The following PACSIN2 variants were observed in gnomAD, a reference collection of about 807,000 sequenced individuals.
PACSIN2 encodes the protein protein kinase C and casein kinase substrate in neurons 2.
Under a neutral mutation model 63.8 loss-of-function variants are expected in PACSIN2, and 25 were observed. The ratio of observed to expected loss-of-function variants is 0.39; its 90% CI spans 0.29 to 0.55. The LOEUF (loss-of-function observed/expected upper bound fraction) is 0.55, where lower values mean the gene tolerates loss of function less well. Ranked by LOEUF, PACSIN2 falls within the 20% of genes least tolerant of loss-of-function variation. The pLI is 0.62. For missense variants in PACSIN2, 518 were observed against 646.9 expected (o/e 0.80, Z 2.16); for synonymous variants, 255 against 256.2 (o/e 1.00, Z 0.05).
chr22:42,888,214 G>A (rs1045885642), intron 5 of PACSIN2, among the ~76,000 whole-genome samples: 1 of 152,058 alleles, frequency 6.6e-6, no homozygotes, highest in African/African-American at 2.4e-5. Context: ...GGCCACTGGT[G>A]ATTTGGTCCT....
chr22:43,014,329 CACACACACACACACACACACACAG>C (rs1341451617), intron 1 of PACSIN2, among the ~76,000 whole-genome samples: 3 of 19,964 alleles, frequency 1.5e-4, no homozygotes, highest in African/African-American at 2.9e-4. Flanking sequence ...CCTACACACA[CACACACACACACACACACACACAG>C]ACACACACAC....
intron 1 of PACSIN2, among the ~76,000 whole-genome samples, chr22:42,928,937 A>G (rs545490137): frequency 6.6e-6 from 1 of 152,376 alleles, no homozygotes; most frequent in East Asian, 1.9e-4. Flanking sequence ...CTACTTTCAC[A>G]TGAAAAGAAG....
intron 1 of PACSIN2, among the ~76,000 whole-genome samples, chr22:42,932,185 T>C (rs1163108647): frequency 6.6e-6 from 1 of 152,216 alleles, no homozygotes; most frequent in Non-Finnish European, 1.5e-5. Context: ...TCTCTGTTTC[T>C]TCAACATAAT....
At chr22:42,995,788 G>T (rs1445333551) in intron 1 of PACSIN2, among the ~76,000 whole-genome samples, 1 of 152,130 alleles carries the variant, frequency 6.6e-6, no homozygotes, top group Non-Finnish European at 1.5e-5. Context: ...CAGTGGCCAG[G>T]CACAGTGACC....
At chr22:42,961,447 T>TAAAAAAAAAA in intron 1 of PACSIN2, among the ~76,000 whole-genome samples, 1 of 121,196 alleles carries the variant, frequency 8.3e-6, no homozygotes, top group East Asian at 2.4e-4. Context: ...AATGATCAAT[T>TAAAAAAAAAA]AAAAAAAAAA....
At chr22:42,995,080 C>T (rs893620536) in intron 1 of PACSIN2, among the ~76,000 whole-genome samples, 1 of 152,254 alleles carries the variant, frequency 6.6e-6, no homozygotes, top group Non-Finnish European at 1.5e-5. Flanking sequence ...GTCCCCCCTC[C>T]CCGCCTCGGG....
At chr22:42,981,375 G>A (rs949314225) in intron 1 of PACSIN2, among the ~76,000 whole-genome samples, 13 of 142,888 alleles carry the variant, frequency 9.1e-5, no homozygotes, top group East Asian at 6.6e-4. Flanking sequence ...CCCCCCGCCC[G>A]ACCAGCCGCC....
chr22:42,950,480 C>T (rs1171936192), intron 1 of PACSIN2, among the ~76,000 whole-genome samples: 1 of 21,858 alleles, frequency 4.6e-5, no homozygotes, highest in African/African-American at 1.9e-4. Context: ...TGCAGCTGCA[C>T]AGCCTCCTAG....
At chr22:42,919,062 T>G (rs1601518549) in intron 1 of PACSIN2, among the ~76,000 whole-genome samples, 1 of 152,326 alleles carries the variant, frequency 6.6e-6, no homozygotes, top group African/African-American at 2.4e-5. Flanking sequence ...TGGGACAAGC[T>G]GCTCTTTAAT....
intron 5 of PACSIN2, among the ~76,000 whole-genome samples, chr22:42,885,577 C>T (rs1297277037): frequency 6.6e-6 from 1 of 152,112 alleles, no homozygotes; most frequent in African/African-American, 2.4e-5. Flanking sequence ...CCAGCTGGGA[C>T]TGAGTCTACC....
intron 1 of PACSIN2, among the ~76,000 whole-genome samples, chr22:42,973,653 C>A (rs868661495): frequency 2.6e-5 from 4 of 152,344 alleles, no homozygotes; most frequent in Middle Eastern, 6.8e-3. Flanking sequence ...ACACTTGTGC[C>A]ACGCATGGCC....
At chr22:42,948,511 A>G (rs922601886) in intron 1 of PACSIN2, among the ~76,000 whole-genome samples, 2 of 152,174 alleles carry the variant, frequency 1.3e-5, no homozygotes, top group African/African-American at 4.8e-5. Flanking sequence ...GCACATGACT[A>G]TCTATAGTCC....
intron 1 of PACSIN2, among the ~76,000 whole-genome samples, chr22:42,952,758 G>A (rs772669590): frequency 2.0e-5 from 3 of 151,960 alleles, no homozygotes; most frequent in Non-Finnish European, 4.4e-5. Context: ...TGCCTCCCAG[G>A]TTCAAGCAAT....
chr22:42,888,582 C>A, intron 5 of PACSIN2, 61 bp downstream of exon 5: 1 of 1,550,036 alleles, frequency 6.5e-7, no homozygotes, highest in Non-Finnish European at 8.9e-7. Context: ...AGGCTATATG[C>A]CAGACACGTC....
At chr22:42,970,068 C>A (rs999380170) in intron 1 of PACSIN2, among the ~76,000 whole-genome samples, 1 of 152,096 alleles carries the variant, frequency 6.6e-6, no homozygotes, top group Non-Finnish European at 1.5e-5. Context: ...CCTGGCATGC[C>A]CCCTTCGACA....
In PACSIN2 at chr22:42,882,593, C is replaced by T. The variant is rs141700457; in HGVS notation, c.786-289G>A. On this transcript the variant is annotated intron_variant, in intron 6 of 10. Transcript: ENST00000263246. Reference sequence around the variant, plus strand: ...GGCACCAGCAGGTGGGCTGTGTGGGCCACCACTCTGTGTGGTCCCATTTCA... The same window carrying T: ...GGCACCAGCAGGTGGGCTGTGTGGGTCACCACTCTGTGTGGTCCCATTTCA... Among the ~76,000 whole-genome samples the T allele has an allele frequency of 6.4e-4, 97 of 152,312 alleles. 1 individual carries two copies. In the East Asian group the frequency reaches 0.016, roughly 26 times the overall value.
rs527484734 is a variant in PACSIN2 at position 42,946,527 on chromosome 22, G to A, written c.-77-34370C>T. 1.9e-4 allele frequency among the ~76,000 whole-genome samples: 29 copies of A among 152,278 alleles called. No homozygotes were observed. In the South Asian group the frequency reaches 6.0e-3, roughly 32 times the overall value. On this transcript the variant is annotated intron_variant, in intron 1 of 10. Coordinates refer to ENST00000263246, the MANE Select transcript of PACSIN2 (RefSeq NM_001184970.3). ...ATCGCACCACTGCACTCCAGCCTGG[G>A]GGAAAGAGCAAAACTCTGTCTCAAA...
At chr22:42,909,552 G>C (rs773031489) in intron 2 of PACSIN2, 1 of 471,168 alleles carries the variant, frequency 2.1e-6, no homozygotes, top group East Asian at 6.9e-5. Context: ...ACAGCACTGC[G>C]GAGTTGATAC....
chr22:43,000,334 C>G (rs1195119668), intron 1 of PACSIN2, among the ~76,000 whole-genome samples: 1 of 152,198 alleles, frequency 6.6e-6, no homozygotes, highest in African/African-American at 2.4e-5. Context: ...TTTGCCAACT[C>G]TACCCCAAGG....
Sources: allele counts gnomAD v4.1 joint callset (sites outside exome capture counted in the v4.1 genomes callset), GRCh38; gene constraint gnomAD v4.1.1; transcripts MANE v1.5; gene names NCBI Gene and HGNC (gene_info 2026-07-23, HGNC 2026-07-21).